Variants in TNC observed in about 807,000 individuals in gnomAD.
TNC encodes the protein tenascin C, also known as tenascin.
TNC carries 109 observed loss-of-function variants against 202.4 expected under a neutral mutation model. The ratio of observed to expected loss-of-function variants is 0.54; its 90% CI spans 0.46 to 0.63. TNC has a LOEUF of 0.63. Ranked by LOEUF, TNC falls within the 30% of genes least tolerant of loss-of-function variation. The pLI is 0.00. For synonymous variants in TNC, 1,007 were observed against 1,089.7 expected (o/e 0.92, Z 1.50); for missense variants, 2,756 against 2,833.3 (o/e 0.97, Z 0.62).
chr9:115,033,635 A>T (rs895972766), intron 22 of TNC, among the ~76,000 whole-genome samples: 3 of 152,248 alleles, frequency 2.0e-5, no homozygotes, highest in African/African-American at 7.2e-5. Context: ...TATCAATTCC[A>T]GGAAGGGGCA....
Position 115,021,282 on chromosome 9 carries a change from A to T in TNC, c.6496-15T>A, listed in dbSNP as rs759304274. On this transcript the variant is annotated splice_polypyrimidine_tract_variant and intron_variant, in intron 27 of 27. Transcript: ENST00000350763. Reference sequence around the variant, plus strand: ...CAGTTAACGCCCTGTTAAAAAAAAAAAAGAGAGAGAGAGAGAGAGAGAGAA... The same window carrying T: ...CAGTTAACGCCCTGTTAAAAAAAAATAAGAGAGAGAGAGAGAGAGAGAGAA... 1 of 1,490,096 alleles carries T rather than the reference A, an allele frequency of 6.7e-7. No homozygotes were observed. Among genetic ancestry groups the T allele is most frequent in the East Asian group, 2.3e-5 (1 of 43,272 alleles). 92.3% of individuals were successfully genotyped at this position (1,490,096 alleles called of 1,614,324 possible). A position where few individuals can be genotyped will look rare whatever the true frequency, so the allele number is the denominator to read the frequency against.
chr9:115,078,993 A>T (rs563012910), intron 6 of TNC, among the ~76,000 whole-genome samples: 1 of 152,324 alleles, frequency 6.6e-6, no homozygotes, highest in South Asian at 2.1e-4. Flanking sequence ...GCCTTTTTTT[A>T]ACCCGGCTTC....
At chr9:115,109,492 G>T (rs910702749) in intron 1 of TNC, among the ~76,000 whole-genome samples, 1 of 152,172 alleles carries the variant, frequency 6.6e-6, no homozygotes, top group African/African-American at 2.4e-5. Flanking sequence ...CTTGTGGGCT[G>T]TGAGCTTCTC....
At chr9:115,042,644 C>A (rs1830851321) in intron 17 of TNC, among the ~76,000 whole-genome samples, 1 of 152,106 alleles carries the variant, frequency 6.6e-6, no homozygotes, top group Admixed American at 6.5e-5. Flanking sequence ...TGGAATGTGA[C>A]CCCCGTTCAT....
chr9:115,115,286 T>C (rs564025748), intron 1 of TNC, among the ~76,000 whole-genome samples: 2 of 152,224 alleles, frequency 1.3e-5, no homozygotes, highest in African/African-American at 4.8e-5. Context: ...GAGGGGCATA[T>C]TTAGTCAGAA....
rs1458475780 is a variant in TNC at position 115,082,772 on chromosome 9, T to C, written c.2167A>G (p.Ile723Val). 5 of 1,614,198 alleles carry C rather than the reference T, an allele frequency of 3.1e-6. No individual in the cohort carries two copies. Among genetic ancestry groups the C allele is most frequent in the Non-Finnish European group, 4.2e-6 (5 of 1,180,008 alleles). ...TCCACTTCCACAGATGTCTCCTTGA[T>C]GGACTTGAATTTCAGGCCTTCAGGT... ...PAPEGLKFKSIKETSVEVEWD... is the reference protein window; with the variant it reads ...PAPEGLKFKSVKETSVEVEWD... Residue 723 changes from isoleucine (I) to valine (V), a missense_variant, in exon 5 of 28, where the codon ATC becomes GTC. Ile to Val is a conservative substitution (Grantham distance 29). Transcript: ENST00000350763.
chr9:115,100,260 A>T (rs2134004049), intron 1 of TNC, among the ~76,000 whole-genome samples: 1 of 152,348 alleles, frequency 6.6e-6, no homozygotes. Context: ...CTTAGAAGCA[A>T]CTGTAGAAGA....
chr9:115,023,893 T>C, intron 27 of TNC, 80 bp downstream of exon 27: 1 of 1,483,772 alleles, frequency 6.7e-7, no homozygotes, highest in African/African-American at 1.4e-5. Flanking sequence ...TCTGCTAGGA[T>C]AGGGAGTTAA....
At position 115,073,879 on chromosome 9, in the gene TNC, C is replaced by G; in HGVS notation, c.2951-13G>C. 6.2e-7 allele frequency: 1 copy of G among 1,604,498 alleles called. No individual in the cohort carries two copies. Among genetic ancestry groups the G allele is most frequent in the Non-Finnish European group, 8.5e-7 (1 of 1,179,394 alleles). Reference sequence around the variant, plus strand: ...GGCGTGTCCAACTCTGGGAGGAGAACAGAGAGATGAATGCTCTTCAGGCTG... The same window carrying G: ...GGCGTGTCCAACTCTGGGAGGAGAAGAGAGAGATGAATGCTCTTCAGGCTG... On this transcript the variant is annotated splice_polypyrimidine_tract_variant and intron_variant, in intron 9 of 27. Coordinates refer to ENST00000350763, the MANE Select transcript of TNC (RefSeq NM_002160.4).
At chr9:115,057,531 A>T in intron 14 of TNC, 106 bp from the exon 15 acceptor site, 1 of 1,195,000 alleles carries the variant, frequency 8.4e-7, no homozygotes, top group Non-Finnish European at 1.2e-6. Flanking sequence ...GGGTAGAGAG[A>T]TCTGATAATT....
intron 19 of TNC, among the ~76,000 whole-genome samples, chr9:115,038,777 T>C (rs950381752): frequency 6.6e-6 from 1 of 152,226 alleles, no homozygotes; most frequent in Non-Finnish European, 1.5e-5. Context: ...ACTTGCATAG[T>C]TAAGACTGCC....
At chr9:115,038,523 G>A (rs540691207) in intron 19 of TNC, 143 bp from the exon 20 acceptor site, 60 of 1,120,974 alleles carry the variant, frequency 5.4e-5, no homozygotes, top group Non-Finnish European at 6.4e-5. Context: ...TAAGCCTGGA[G>A]CCAGCCTGAC....
At chr9:115,096,781 G>A (rs1835828370) in intron 1 of TNC, among the ~76,000 whole-genome samples, 2 of 152,186 alleles carry the variant, frequency 1.3e-5, no homozygotes, top group South Asian at 4.1e-4. Flanking sequence ...CAGATCTGAA[G>A]AGATAACTAC....
intron 10 of TNC, among the ~76,000 whole-genome samples, chr9:115,073,332 A>C (rs1451627407): frequency 6.6e-6 from 1 of 152,220 alleles, no homozygotes; most frequent in Non-Finnish European, 1.5e-5. Context: ...ATCATAGGTA[A>C]ATGCAAACAC....
chr9:115,101,847 G>A (rs1265323233), intron 1 of TNC, among the ~76,000 whole-genome samples: 1 of 152,062 alleles, frequency 6.6e-6, no homozygotes. Context: ...CCTAGAAAAG[G>A]AAAGAATTAC....
Position 115,098,938 on chromosome 9 carries a change from A to T in TNC, c.-136-7784T>A, listed in dbSNP as rs73656725. 4.8e-3 allele frequency among the ~76,000 whole-genome samples: 614 copies of T among 127,312 alleles called. 3 individuals carry two copies. Among genetic ancestry groups the T allele is most frequent in the African/African-American group, 0.015 (509 of 33,000 alleles). The allele number at this position is 127,312 out of a possible 152,430, so 83.5% of individuals were successfully genotyped here. On this transcript the variant is annotated intron_variant, in intron 1 of 27. Transcript: ENST00000350763. ...AGCCAGGAAACAGCCTTAAGTGTGT[A>T]TTTTTTTTTTTTTTTTTTTCCTGAG...
Position 115,084,336 on chromosome 9 carries a change from G to A in TNC, c.2004C>T (p.Phe668=). 3 of 1,614,198 alleles carry A rather than the reference G, an allele frequency of 1.9e-6. No individual in the cohort carries two copies. Among genetic ancestry groups the A allele is most frequent in the Non-Finnish European group, 2.5e-6 (3 of 1,180,032 alleles). The change falls in exon 4 of 28, where the codon TTC becomes TTT. Residue 668 remains phenylalanine, a synonymous_variant. Coordinates refer to ENST00000350763, the MANE Select transcript of TNC (RefSeq NM_002160.4). ...TGGACGTCTGGTCCCCAGGCACACG[G>A]AACTGCATTTCCAGACCACCCTCGT... The part of the protein sequence containing the change: ...PTHEGGLEMQ[F]RVPGDQTSTI...
At chr9:115,057,074 G>C in intron 15 of TNC, 79 bp downstream of exon 15, 1 of 1,498,912 alleles carries the variant, frequency 6.7e-7, no homozygotes, top group Non-Finnish European at 8.9e-7. Flanking sequence ...TACATCAATG[G>C]GAGAGGAGAA....
chr9:115,067,564 T>C (rs1228615823), intron 10 of TNC, among the ~76,000 whole-genome samples: 1 of 152,130 alleles, frequency 6.6e-6, no homozygotes, highest in Non-Finnish European at 1.5e-5. Context: ...GGAATGAGAT[T>C]GTGGATTGCC....
Sources: gnomAD v4.1 joint callset for allele counts (sites outside exome capture counted in the v4.1 genomes callset) on GRCh38, gnomAD v4.1.1 for gene constraint, MANE v1.5 for transcripts, NCBI Gene and HGNC (gene_info 2026-07-23, HGNC 2026-07-21) for gene names.